The following EIF4G3 variants were observed in gnomAD, a reference collection of about 807,000 sequenced individuals.
EIF4G3 encodes eIF-4-gamma 3.
EIF4G3 carries 34 observed loss-of-function variants against 186.4 expected under a neutral mutation model. The ratio of observed to expected loss-of-function variants is 0.18; its 90% CI spans 0.14 to 0.24. The LOEUF (loss-of-function observed/expected upper bound fraction) is 0.24. Among genes scored for constraint, EIF4G3 ranks in the 10% least tolerant of loss-of-function variants. The pLI, the probability that EIF4G3 is intolerant of heterozygous loss-of-function variation, is 1.00. For missense variants in EIF4G3, 1,536 were observed against 1,948.5 expected (o/e 0.79, Z 3.99); for synonymous variants, 673 against 679.5 (o/e 0.99, Z 0.15).
rs1386670996 is a variant in EIF4G3, at chr1:20,810,688, G to C, written c.4744+50C>G. 1 of 1,592,280 alleles carries C rather than the reference G, an allele frequency of 6.3e-7. No homozygotes were observed. Among genetic ancestry groups the C allele is most frequent in the South Asian group, 1.1e-5 (1 of 90,278 alleles). The stretch of plus-strand genomic sequence containing the variant: ...TAAATCATCTCTAAGTCCTGGCTTG[G>C]ATAAATCTCACTCATTGGTTAGATT... On this transcript the variant is annotated intron_variant, in intron 36 of 36. Coordinates refer to ENST00000602326, the MANE Select transcript of EIF4G3 (RefSeq NM_001391906.1). The surrounding 1 kb of genome is among the most constrained non-coding windows in gnomAD (Gnocchi z 4.1).
At chr1:21,163,001 A>G (rs747327587) in intron 2 of EIF4G3, among the ~76,000 whole-genome samples, 17 of 152,178 alleles carry the variant, frequency 1.1e-4, no homozygotes, top group Non-Finnish European at 2.2e-4. Flanking sequence ...CAGAAAGCTG[A>G]ACCAGAAAAA....
At chr1:21,110,183 T>C (rs1288337074) in intron 2 of EIF4G3, among the ~76,000 whole-genome samples, 2 of 152,222 alleles carry the variant, frequency 1.3e-5, no homozygotes, top group African/African-American at 4.8e-5. Flanking sequence ...CTTAAAAGGA[T>C]AATTTGATGA....
At chr1:20,846,226 T>A (rs1388849471) in intron 29 of EIF4G3, among the ~76,000 whole-genome samples, 1 of 152,188 alleles carries the variant, frequency 6.6e-6, no homozygotes, top group African/African-American at 2.4e-5. Context: ...GTTCATGTCA[T>A]CTGCAAACAG....
chr1:20,844,785 T>C (rs1433752781), intron 29 of EIF4G3, among the ~76,000 whole-genome samples: 1 of 152,044 alleles, frequency 6.6e-6, no homozygotes, highest in African/African-American at 2.4e-5. Flanking sequence ...TGAGCCAAGA[T>C]TGCGCCACTG....
At chr1:21,151,236 C>CTTTTTTTT (rs71014161) in intron 2 of EIF4G3, among the ~76,000 whole-genome samples, 2,297 of 80,400 alleles carry the variant, frequency 0.029, 285 homozygotes, top group African/African-American at 0.03. Flanking sequence ...GTATTTCTTT[C>CTTTTTTTT]TTTTTTTTTT....
intron 13 of EIF4G3, among the ~76,000 whole-genome samples, chr1:20,946,967 T>G (rs991563984): frequency 6.6e-6 from 1 of 152,186 alleles, no homozygotes; most frequent in Non-Finnish European, 1.5e-5. Flanking sequence ...GTAGAGACTG[T>G]TGTTTCTGGG....
At chr1:20,824,527 T>G (rs1193159263) in intron 33 of EIF4G3, among the ~76,000 whole-genome samples, 3 of 152,214 alleles carry the variant, frequency 2.0e-5, no homozygotes, top group Non-Finnish European at 4.4e-5. Context: ...GTTTTATGGT[T>G]ACCTCAACCT....
At chr1:20,923,204 C>G (rs895961160) in intron 14 of EIF4G3, among the ~76,000 whole-genome samples, 2 of 152,014 alleles carry the variant, frequency 1.3e-5, no homozygotes, top group Non-Finnish European at 2.9e-5. Context: ...TGTAGCATGA[C>G]AGGATGTGCA....
intron 33 of EIF4G3, among the ~76,000 whole-genome samples, chr1:20,818,185 AT>A (rs2061520898): frequency 6.6e-6 from 1 of 152,054 alleles, no homozygotes; most frequent in South Asian, 2.1e-4. Context: ...AAAGGGTACA[AT>A]TTCACTCTCT....
At chr1:20,815,496 G>A (rs963288716) in intron 34 of EIF4G3, among the ~76,000 whole-genome samples, 3 of 151,508 alleles carry the variant, frequency 2.0e-5, no homozygotes, top group East Asian at 3.9e-4. Context: ...GGTGAGGAGC[G>A]TCTCTGCCCG....
chr1:21,008,378 C>T (rs1287373645), intron 4 of EIF4G3, among the ~76,000 whole-genome samples: 1 of 151,970 alleles, frequency 6.6e-6, no homozygotes. Flanking sequence ...ACTCTGTCAC[C>T]CAGACTGGAG....
chr1:20,916,434 G>C (rs970300933), intron 14 of EIF4G3, among the ~76,000 whole-genome samples: 1 of 151,360 alleles, frequency 6.6e-6, no homozygotes, highest in African/African-American at 2.4e-5. Flanking sequence ...GCAATAGAGA[G>C]AGACTCTGTC....
At chr1:20,916,170 T>G (rs188970800) in intron 14 of EIF4G3, among the ~76,000 whole-genome samples, 45 of 152,056 alleles carry the variant, frequency 3.0e-4, no homozygotes, top group Admixed American at 2.6e-3. Context: ...AAACCATTAT[T>G]TAGAGAATTA....
At chr1:20,907,014 CATG>C (rs904089486) in intron 14 of EIF4G3, among the ~76,000 whole-genome samples, 38 of 152,054 alleles carry the variant, frequency 2.5e-4, no homozygotes, top group Admixed American at 5.9e-4. Flanking sequence ...CACAGATTTT[CATG>C]ATAATTAACA....
intron 2 of EIF4G3, among the ~76,000 whole-genome samples, chr1:21,117,018 G>A (rs1035501887): frequency 3.9e-5 from 6 of 152,024 alleles, no homozygotes; most frequent in Admixed American, 3.9e-4. Context: ...GTAAAATATA[G>A]TCCAGCTCTA....
At chr1:21,129,021 T>C (rs1341180761) in intron 2 of EIF4G3, among the ~76,000 whole-genome samples, 1 of 152,054 alleles carries the variant, frequency 6.6e-6, no homozygotes, top group East Asian at 1.9e-4. Flanking sequence ...TCGGTTGTAA[T>C]ACAAAAAATC....
chr1:20,949,495 C>T (rs2096111434), intron 13 of EIF4G3, among the ~76,000 whole-genome samples: 1 of 152,184 alleles, frequency 6.6e-6, no homozygotes, highest in Admixed American at 6.5e-5. Flanking sequence ...CTGAGACACA[C>T]AAGGTCAGTG....
intron 29 of EIF4G3, among the ~76,000 whole-genome samples, chr1:20,844,318 T>C (rs12042978): frequency 0.39 from 59,800 of 152,052 alleles, 12,474 homozygotes; most frequent in East Asian, 0.5. Flanking sequence ...CTATTATTTT[T>C]TGACTTTTTA....
intron 4 of EIF4G3, among the ~76,000 whole-genome samples, chr1:21,038,493 A>G (rs1285165901): frequency 1.3e-5 from 2 of 152,130 alleles, no homozygotes; most frequent in Admixed American, 6.5e-5. Flanking sequence ...CCACCTTTAC[A>G]TAGTCTCTGG....
Sources: gnomAD v4.1 joint callset for allele counts (sites outside exome capture counted in the v4.1 genomes callset) on GRCh38, gnomAD v4.1.1 for gene constraint, Gnocchi (gnomAD v3.1) non-coding constraint, MANE v1.5 for transcripts, NCBI Gene and HGNC (gene_info 2026-07-23, HGNC 2026-07-21) for gene names.